The following NPAS3 variants were observed in gnomAD, a reference collection of about 807,000 sequenced individuals.
The protein encoded by NPAS3 is neuronal PAS domain-containing protein 3.
In NPAS3, 14 loss-of-function variants were observed where a neutral mutation model predicts 73.1. The ratio of observed to expected loss-of-function variants is 0.19; its 90% CI spans 0.13 to 0.30. The LOEUF (loss-of-function observed/expected upper bound fraction) is 0.30, where lower values mean the gene tolerates loss of function less well. NPAS3 is among the 10% of genes least tolerant of loss of function. The pLI, the probability that NPAS3 is intolerant of heterozygous loss-of-function variation, is 1.00. For synonymous variants in NPAS3, 620 were observed against 541.5 expected (o/e 1.14, Z -2.01); for missense variants, 1,096 against 1,250.0 (o/e 0.88, Z 1.86).
chr14:33,494,439 C>T (rs1213700361), intron 4 of NPAS3, among the ~76,000 whole-genome samples: 5 of 152,050 alleles, frequency 3.3e-5, no homozygotes, highest in South Asian at 4.2e-4. Flanking sequence ...CATGATGGGA[C>T]GTACTGACTG....
chr14:33,072,093 G>A (rs1297758530), intron 2 of NPAS3, among the ~76,000 whole-genome samples: 1 of 152,130 alleles, frequency 6.6e-6, no homozygotes, highest in Non-Finnish European at 1.5e-5. Context: ...GTTTCACCAA[G>A]TTGGACAGTC....
intron 2 of NPAS3, among the ~76,000 whole-genome samples, chr14:33,142,881 C>T (rs1376839320): frequency 6.6e-6 from 1 of 152,094 alleles, no homozygotes; most frequent in Non-Finnish European, 1.5e-5. Context: ...GCAGGTGGAT[C>T]ACCTGAGGTC....
At chr14:33,622,385 A>G (rs1027832694) in intron 5 of NPAS3, among the ~76,000 whole-genome samples, 16 of 152,202 alleles carry the variant, frequency 1.1e-4, no homozygotes, top group African/African-American at 3.4e-4. Context: ...TACTGTGCCA[A>G]CATGATGAAG....
chr14:33,411,274 C>T (rs551639452), intron 4 of NPAS3, among the ~76,000 whole-genome samples: 57 of 152,304 alleles, frequency 3.7e-4, no homozygotes, highest in Admixed American at 8.5e-4. Context: ...CTGCAACCTC[C>T]TGGGTTCAAG....
intron 4 of NPAS3, among the ~76,000 whole-genome samples, chr14:33,440,628 C>T (rs1486327261): frequency 6.6e-6 from 1 of 152,188 alleles, no homozygotes; most frequent in Non-Finnish European, 1.5e-5. Context: ...CGTGGTGGCT[C>T]ACGCCTGTAA....
At chr14:33,154,972 G>A (rs2044595616) in intron 2 of NPAS3, among the ~76,000 whole-genome samples, 1 of 152,100 alleles carries the variant, frequency 6.6e-6, no homozygotes, top group Admixed American at 6.5e-5. Flanking sequence ...TATGGACACT[G>A]CAATTTGAGT....
chr14:33,013,130 C>T (rs1291774210), intron 1 of NPAS3, among the ~76,000 whole-genome samples: 1 of 152,122 alleles, frequency 6.6e-6, no homozygotes, highest in Non-Finnish European at 1.5e-5. Flanking sequence ...GTATTGTATT[C>T]TTCACTCAGT....
intron 3 of NPAS3, among the ~76,000 whole-genome samples, chr14:33,364,968 T>C (rs1483876287): frequency 6.6e-6 from 1 of 151,560 alleles, no homozygotes; most frequent in African/African-American, 2.4e-5. Flanking sequence ...GTAGAATGAT[T>C]TCTGTTATCT....
At chr14:33,215,508 T>C (rs894834646) in intron 3 of NPAS3, 82 bp downstream of exon 3, 1 of 1,469,158 alleles carries the variant, frequency 6.8e-7, no homozygotes, top group Non-Finnish European at 9.5e-7. Flanking sequence ...CATCCTTTCT[T>C]CTTTTCCTGC....
chr14:33,185,421 A>C (rs1218004304), intron 2 of NPAS3, among the ~76,000 whole-genome samples: 1 of 152,130 alleles, frequency 6.6e-6, no homozygotes, highest in Admixed American at 6.6e-5. Context: ...AAGTAGTTCA[A>C]ATTTCTGCAG....
intron 1 of NPAS3, among the ~76,000 whole-genome samples, chr14:33,020,270 G>A (rs974033977): frequency 4.6e-5 from 7 of 152,202 alleles, no homozygotes; most frequent in African/African-American, 1.2e-4. Flanking sequence ...ATTCCCATAC[G>A]AGAACTGGCA....
At chr14:33,764,449 C>A (rs1474428468) in intron 7 of NPAS3, among the ~76,000 whole-genome samples, 1 of 152,168 alleles carries the variant, frequency 6.6e-6, no homozygotes, top group Non-Finnish European at 1.5e-5. Context: ...AAAATATTTA[C>A]GTAATTTCTT....
At chr14:33,112,500 C>T (rs576396500) in intron 2 of NPAS3, among the ~76,000 whole-genome samples, 1 of 152,252 alleles carries the variant, frequency 6.6e-6, no homozygotes, top group South Asian at 2.1e-4. Context: ...ATCCTTCGCC[C>T]AGTTTTTGAT....
chr14:33,374,126 CAAAGT>C (rs2046216320), intron 4 of NPAS3, among the ~76,000 whole-genome samples: 1 of 152,082 alleles, frequency 6.6e-6, no homozygotes, highest in Non-Finnish European at 1.5e-5. Context: ...GTTTGTTAGT[CAAAGT>C]AATCAAAGAT....
chr14:33,333,918 C>T (rs1334137905), intron 3 of NPAS3, among the ~76,000 whole-genome samples: 1 of 152,026 alleles, frequency 6.6e-6, no homozygotes, highest in Non-Finnish European at 1.5e-5. Flanking sequence ...CTATAATTTT[C>T]CTCTTTTAGA....
intron 4 of NPAS3, among the ~76,000 whole-genome samples, chr14:33,377,827 A>G (rs1431601990): frequency 6.6e-6 from 1 of 152,192 alleles, no homozygotes; most frequent in East Asian, 1.9e-4. Flanking sequence ...CAGGTTCTAG[A>G]AAAGTGAAAC....
chr14:33,335,650 T>G (rs2044192996), intron 3 of NPAS3, among the ~76,000 whole-genome samples: 1 of 152,148 alleles, frequency 6.6e-6, no homozygotes, highest in Admixed American at 6.5e-5. Flanking sequence ...ACACATAGTT[T>G]AGGCCTTGCG....
chr14:33,026,073 A>G (rs971253000), intron 1 of NPAS3, among the ~76,000 whole-genome samples: 2 of 152,194 alleles, frequency 1.3e-5, no homozygotes, highest in African/African-American at 4.8e-5. Context: ...TCTCTTGTCT[A>G]CTACTACAAA....
chr14:33,526,853 C>T (rs747895992), intron 4 of NPAS3, among the ~76,000 whole-genome samples: 2 of 152,018 alleles, frequency 1.3e-5, no homozygotes, highest in Non-Finnish European at 2.9e-5. Flanking sequence ...GCCCTTCAGA[C>T]CTCACTGTGT....
Sources: gnomAD v4.1 joint callset for allele counts (sites outside exome capture counted in the v4.1 genomes callset) on GRCh38, gnomAD v4.1.1 for gene constraint, MANE v1.5 for transcripts, NCBI Gene and HGNC (gene_info 2026-07-23, HGNC 2026-07-21) for gene names.